Variants in SBSPON observed in about 807,000 individuals in gnomAD.
The protein encoded by SBSPON is somatomedin B and thrombospondin type 1 domain containing, also known as somatomedin-B and thrombospondin type-1 domain-containing protein.
In SBSPON, 30 loss-of-function variants were observed where a neutral mutation model predicts 35.8. The observed-to-expected ratio is 0.84, with a 90% confidence interval of 0.63 to 1.14. The LOEUF (loss-of-function observed/expected upper bound fraction) is 1.14. SBSPON is among the 50% of genes most tolerant of loss of function. The pLI is 0.00. For missense variants in SBSPON, 364 were observed against 357.7 expected (o/e 1.02, Z -0.14); for synonymous variants, 136 against 135.9 (o/e 1.00, Z 0.00).
chr8:73,073,037 A>G (rs1291180970), intron 2 of SBSPON, among the ~76,000 whole-genome samples: 11 of 152,202 alleles, frequency 7.2e-5, no homozygotes, highest in Admixed American at 7.2e-4. Flanking sequence ...AATAACACCT[A>G]TAGGTGTCAG....
intron 1 of SBSPON, among the ~76,000 whole-genome samples, chr8:73,081,831 T>C (rs777835181): frequency 1.3e-5 from 2 of 152,114 alleles, no homozygotes; most frequent in Non-Finnish European, 2.9e-5. Flanking sequence ...ACTCATGAAC[T>C]ATGAGGGCTG....
chr8:73,085,152 A>C (rs1810799976), intron 1 of SBSPON, among the ~76,000 whole-genome samples: 1 of 152,098 alleles, frequency 6.6e-6, no homozygotes, highest in Non-Finnish European at 1.5e-5. Flanking sequence ...AACCCATGGG[A>C]ATTCTTAGCC....
At chr8:73,073,385 T>A (rs1360137443) in intron 2 of SBSPON, among the ~76,000 whole-genome samples, 1 of 152,244 alleles carries the variant, frequency 6.6e-6, no homozygotes, top group East Asian at 1.9e-4. Flanking sequence ...GTGAGGATAC[T>A]GGTTGCAAAA....
chr8:73,092,968 G>A lies in SBSPON; in HGVS notation c.100C>T (p.Pro34Ser), dbSNP rs945653269. 3 of 1,594,130 alleles carry A rather than the reference G, an allele frequency of 1.9e-6. No homozygotes were observed. The highest frequency in any genetic ancestry group is 1.7e-6 in the Non-Finnish European group (2 of 1,172,460). Residue 34 changes from proline (P) to serine (S), a missense_variant, in exon 1 of 5, where the codon CCC becomes TCC. Transcript: ENST00000297354. Reference sequence around the variant, plus strand: ...CTCCAGCCGCGGGCGAAGCAGGCGGGGTCCCGGCCGGGACAGCAGCGCCCG... The same window carrying A: ...CTCCAGCCGCGGGCGAAGCAGGCGGAGTCCCGGCCGGGACAGCAGCGCCCG... The part of the protein sequence containing the change: ...EAGRCCPGRD[P>S]ACFARGWRLD...
intron 2 of SBSPON, among the ~76,000 whole-genome samples, chr8:73,078,453 C>A (rs1489301557): frequency 6.6e-6 from 1 of 152,162 alleles, no homozygotes; most frequent in Non-Finnish European, 1.5e-5. Flanking sequence ...CTGTTCAGTA[C>A]AGATATGTTA....
intron 3 of SBSPON, among the ~76,000 whole-genome samples, chr8:73,070,359 G>A (rs1810471493): frequency 6.6e-6 from 1 of 152,182 alleles, no homozygotes; most frequent in African/African-American, 2.4e-5. Flanking sequence ...TCTATAAATT[G>A]AACAAGCACT....
chr8:73,079,464 C>T (rs1810653862), intron 2 of SBSPON, among the ~76,000 whole-genome samples: 1 of 152,124 alleles, frequency 6.6e-6, no homozygotes, highest in South Asian at 2.1e-4. Flanking sequence ...TATAGCTTTT[C>T]CCTTGATCAG....
chr8:73,072,166 G>C lies in SBSPON; in HGVS notation c.410-296C>G, dbSNP rs731319. ...AAACCAGAAGGAAAGGAAGATGGGG[G>C]TCAGAAGGGGAACAAGGGAAAAAGT... On this transcript the variant is annotated intron_variant, in intron 2 of 4. Coordinates refer to ENST00000297354, the MANE Select transcript of SBSPON (RefSeq NM_153225.4). Among the ~76,000 whole-genome samples the C allele has an allele frequency of 0.72, 109,574 of 151,834 alleles. 39,691 individuals carry two copies. The highest frequency in any genetic ancestry group is 0.84 in the East Asian group (4,333 of 5,166).
chr8:73,069,420 C>T (rs1396390451), intron 4 of SBSPON, among the ~76,000 whole-genome samples: 9 of 152,096 alleles, frequency 5.9e-5, no homozygotes, highest in Non-Finnish European at 1.0e-4. Context: ...TACAGGCATG[C>T]GCCACCATGC....
intron 1 of SBSPON, chr8:73,083,854 G>A (rs1287394328): frequency 2.6e-5 from 4 of 152,202 alleles, no homozygotes; most frequent in Non-Finnish European, 5.9e-5. Context: ...TTTAGGAGAA[G>A]AAAGCCTAGA....
intron 2 of SBSPON, among the ~76,000 whole-genome samples, chr8:73,072,363 G>GA (rs1315812303): frequency 6.6e-6 from 1 of 151,958 alleles, no homozygotes; most frequent in African/African-American, 2.4e-5. Context: ...GACAAACAGA[G>GA]AAAAAAATGA....
chr8:73,077,809 A>G (rs1454064603), intron 2 of SBSPON, among the ~76,000 whole-genome samples: 1 of 152,194 alleles, frequency 6.6e-6, no homozygotes, highest in African/African-American at 2.4e-5. Flanking sequence ...GGGACGCTCC[A>G]TAGAAAAGGG....
rs766124461 is a variant in SBSPON at position 73,065,156 on chromosome 8, A to G, written c.*2185T>C. On this transcript the variant is annotated 3_prime_UTR_variant, in exon 5 of 5. Transcript: ENST00000297354. ...TCTAGCCCATAAAATTTTCTCAAGA[A>G]TAGAAATAACAAAAATTTAACTTCA... The G allele has an allele frequency of 7.9e-5, 12 of 152,244 alleles. No homozygotes were observed. The highest frequency in any genetic ancestry group is 1.3e-4 in the Admixed American group (2 of 15,286). The allele number at this position is 152,244 out of a possible 1,614,324, so 9.4% of individuals were successfully genotyped here. A position where few individuals can be genotyped will look rare whatever the true frequency, so the allele number is the denominator to read the frequency against.
At chr8:73,084,219 A>C (rs1283161945) in intron 1 of SBSPON, among the ~76,000 whole-genome samples, 1 of 152,202 alleles carries the variant, frequency 6.6e-6, no homozygotes, top group African/African-American at 2.4e-5. Context: ...CTTTCTCAAG[A>C]CCTTTCCAGT....
At chr8:73,089,625 G>A (rs1810895714) in intron 1 of SBSPON, among the ~76,000 whole-genome samples, 1 of 152,128 alleles carries the variant, frequency 6.6e-6, no homozygotes, top group Non-Finnish European at 1.5e-5. Context: ...GGCACATGGT[G>A]TGAGTTGAAT....
intron 2 of SBSPON, among the ~76,000 whole-genome samples, chr8:73,076,845 C>T (rs1461387882): frequency 1.3e-5 from 2 of 152,140 alleles, no homozygotes; most frequent in East Asian, 3.9e-4. Flanking sequence ...TTCATTTTTG[C>T]CTGGGGAAAC....
chr8:73,084,749 GACACACACACACAC>G (rs57178636), intron 1 of SBSPON, among the ~76,000 whole-genome samples: 21,974 of 134,408 alleles, frequency 0.16, 2,101 homozygotes, highest in African/African-American at 0.29. Flanking sequence ...CCACTACACA[GACACACACACACAC>G]ACACACACAC....
intron 2 of SBSPON, among the ~76,000 whole-genome samples, chr8:73,073,745 A>T (rs936046045): frequency 1.3e-5 from 2 of 149,098 alleles, no homozygotes; most frequent in African/African-American, 5.0e-5. Context: ...TGGGGGCTGC[A>T]GTGAGCCGAG....
rs113517448 is a variant in SBSPON at position 73,086,272 on chromosome 8, T to A, written c.215-5059A>T. ...GCCTCCTGAGTTCAAGAGATTCTCATGCTTCAGCCTCCCGAGTAGCTGGGA... is the reference window on the plus strand; with the variant it reads ...GCCTCCTGAGTTCAAGAGATTCTCAAGCTTCAGCCTCCCGAGTAGCTGGGA... On this transcript the variant is annotated intron_variant, in intron 1 of 4. Transcript: ENST00000297354. Among the ~76,000 whole-genome samples the A allele has an allele frequency of 2.4e-3, 361 of 152,208 alleles. 3 individuals are homozygous for A. The highest frequency in any genetic ancestry group is 8.4e-3 in the African/African-American group (348 of 41,520).
Sources: gnomAD v4.1 joint callset for allele counts (sites outside exome capture counted in the v4.1 genomes callset) on GRCh38, gnomAD v4.1.1 for gene constraint, MANE v1.5 for transcripts, NCBI Gene and HGNC (gene_info 2026-07-23, HGNC 2026-07-21) for gene names.